ARHGEF7: variants seen among roughly 807,000 people sequenced by gnomAD.
ARHGEF7 encodes the protein Rho guanine nucleotide exchange factor 7.
In ARHGEF7, 33 loss-of-function variants were observed where a neutral mutation model predicts 109.8. The ratio of observed to expected loss-of-function variants is 0.30; its 90% CI spans 0.23 to 0.40. ARHGEF7 has a LOEUF of 0.40. Among genes scored for constraint, ARHGEF7 ranks in the 10% least tolerant of loss-of-function variants. ARHGEF7 has a pLI of 1.00. For missense variants in ARHGEF7, 938 were observed against 1,098.5 expected (o/e 0.85, Z 2.07); for synonymous variants, 458 against 424.6 (o/e 1.08, Z -0.97).
intron 8 of ARHGEF7, among the ~76,000 whole-genome samples, chr13:111,257,213 C>A (rs1229725070): frequency 6.6e-6 from 1 of 152,216 alleles, no homozygotes; most frequent in Non-Finnish European, 1.5e-5. Context: ...TACTAAAATC[C>A]TACTTAATCC....
intron 1 of ARHGEF7, among the ~76,000 whole-genome samples, chr13:111,143,146 G>T (rs1328670396): frequency 2.0e-5 from 3 of 152,236 alleles, no homozygotes; most frequent in Admixed American, 2.0e-4. Flanking sequence ...ACTCGGGACT[G>T]CAGGGACAGG....
intron 2 of ARHGEF7, among the ~76,000 whole-genome samples, chr13:111,175,866 T>G (rs1320547822): frequency 6.6e-6 from 1 of 152,170 alleles, no homozygotes; most frequent in Admixed American, 6.5e-5. Context: ...CCCAGGAAAC[T>G]TAACAGTTGT....
chr13:111,141,248 TATA>T (rs1300218558), intron 1 of ARHGEF7, among the ~76,000 whole-genome samples: 1 of 152,190 alleles, frequency 6.6e-6, no homozygotes, highest in Non-Finnish European at 1.5e-5. Flanking sequence ...GTAGCCACTG[TATA>T]ATATCATGCA....
rs150780983 is a variant in ARHGEF7, at chr13:111,159,081, T to C, written c.252+5090T>C. 1.5e-4 allele frequency: 106 copies of C among 718,414 alleles called. No individual in the cohort carries two copies. The East Asian group carries it at 2.7e-3, about 18-fold the overall frequency. The allele number at this position is 718,414 out of a possible 1,614,324, so 44.5% of individuals were successfully genotyped here. The stretch of plus-strand genomic sequence containing the variant: ...GCATCTGGTAACCACCATTCTCTTG[T>C]CTGCTTCTGTGAGTTCAGCTTTTTT... On this transcript the variant is annotated intron_variant, in intron 2 of 21. Coordinates refer to ENST00000646102, the MANE Select transcript of ARHGEF7 (RefSeq NM_001354046.2).
At chr13:111,248,669 T>C (rs944505418) in intron 8 of ARHGEF7, among the ~76,000 whole-genome samples, 2 of 152,360 alleles carry the variant, frequency 1.3e-5, no homozygotes, top group South Asian at 2.1e-4. Context: ...TTTGAGAATT[T>C]TTTTCAGTTC....
At chr13:111,155,415 A>G (rs2076239681) in intron 2 of ARHGEF7, among the ~76,000 whole-genome samples, 1 of 152,210 alleles carries the variant, frequency 6.6e-6, no homozygotes, top group Non-Finnish European at 1.5e-5. Flanking sequence ...TTGTAAACAC[A>G]AAGAAATTTA....
At chr13:111,136,370 A>C (rs2075089082) in intron 1 of ARHGEF7, among the ~76,000 whole-genome samples, 1 of 152,246 alleles carries the variant, frequency 6.6e-6, no homozygotes, top group Admixed American at 6.5e-5. Context: ...CAAATGTAAA[A>C]GAACAGAAAT....
chr13:111,250,696 A>G (rs1460722690), intron 8 of ARHGEF7, among the ~76,000 whole-genome samples: 4 of 152,130 alleles, frequency 2.6e-5, no homozygotes, highest in Admixed American at 1.3e-4. Context: ...TGCCCAAGCT[A>G]TATACTCCTA....
chr13:111,129,602 A>C (rs2074632665), intron 1 of ARHGEF7, among the ~76,000 whole-genome samples: 3 of 152,350 alleles, frequency 2.0e-5, no homozygotes, highest in Admixed American at 2.0e-4. Context: ...ACAGATGGCA[A>C]ATAAGCACTC....
chr13:111,125,125 A>G (rs904887776), intron 1 of ARHGEF7, among the ~76,000 whole-genome samples: 1 of 151,576 alleles, frequency 6.6e-6, no homozygotes, highest in African/African-American at 2.4e-5. Flanking sequence ...TTTTGGAGGG[A>G]TTTTTTTTCA....
At chr13:111,283,972 CT>C (rs2092909096) in intron 16 of ARHGEF7, among the ~76,000 whole-genome samples, 6 of 152,270 alleles carry the variant, frequency 3.9e-5, no homozygotes, top group South Asian at 4.1e-4. Context: ...AGTGTTAACA[CT>C]TCCTTACACT....
At chr13:111,264,002 C>T (rs909495982) in intron 8 of ARHGEF7, among the ~76,000 whole-genome samples, 1 of 152,166 alleles carries the variant, frequency 6.6e-6, no homozygotes, top group Non-Finnish European at 1.5e-5. Flanking sequence ...TAATTTGAGT[C>T]AGTGACTACC....
chr13:111,172,975 A>G (rs1048226083), intron 2 of ARHGEF7, among the ~76,000 whole-genome samples: 1 of 152,258 alleles, frequency 6.6e-6, no homozygotes, highest in African/African-American at 2.4e-5. Flanking sequence ...CAAGCATTTC[A>G]GATGAGGGAT....
At chr13:111,261,878 A>G (rs547835043) in intron 8 of ARHGEF7, among the ~76,000 whole-genome samples, 10 of 152,240 alleles carry the variant, frequency 6.6e-5, no homozygotes, top group South Asian at 2.1e-4. Flanking sequence ...CAGTGGGTCA[A>G]TGAAGAAATT....
chr13:111,156,596 A>G (rs2076356189), intron 2 of ARHGEF7, among the ~76,000 whole-genome samples: 1 of 152,256 alleles, frequency 6.6e-6, no homozygotes, highest in Non-Finnish European at 1.5e-5. Context: ...TCTGGCTTCC[A>G]GCCTTGTAAG....
At position 111,168,224 on chromosome 13, in the gene ARHGEF7, T is replaced by C. The variant is rs147960127; in HGVS notation, c.252+14233T>C. Among the ~76,000 whole-genome samples the C allele has an allele frequency of 5.0e-4, 76 of 152,270 alleles. No individual in the cohort carries two copies. The East Asian group carries it at 7.2e-3, about 14-fold the overall frequency. On this transcript the variant is annotated intron_variant, in intron 2 of 21. Coordinates refer to ENST00000646102, the MANE Select transcript of ARHGEF7 (RefSeq NM_001354046.2). ...TAGCCCTCCCCTGTGCCTGCTTCTC[T>C]GCCTCTGCCGCTCTCCCGCTTGGTC...
intron 5 of ARHGEF7, among the ~76,000 whole-genome samples, chr13:111,225,903 A>T (rs937153750): frequency 6.6e-6 from 1 of 152,222 alleles, no homozygotes; most frequent in Non-Finnish European, 1.5e-5. Flanking sequence ...GAAGAGTTGC[A>T]TGTCTCTCAC....
chr13:111,302,857 C>G (rs2093602145), intron 21 of ARHGEF7, 134 bp from the exon 22 acceptor site: 1 of 1,166,728 alleles, frequency 8.6e-7, no homozygotes, highest in East Asian at 2.4e-5. Context: ...TCCCCACGAC[C>G]TCAGAGCCCA....
intron 1 of ARHGEF7, among the ~76,000 whole-genome samples, chr13:111,147,864 A>AT (rs1383771158): frequency 6.6e-6 from 1 of 151,410 alleles, no homozygotes; most frequent in Non-Finnish European, 1.5e-5. Context: ...CACCCGGCTA[A>AT]TTTTTTGTAT....
Sources: allele counts gnomAD v4.1 joint callset (sites outside exome capture counted in the v4.1 genomes callset), GRCh38; gene constraint gnomAD v4.1.1; transcripts MANE v1.5; gene names NCBI Gene and HGNC (gene_info 2026-07-23, HGNC 2026-07-21).